The following UBTD2 variants were observed in gnomAD, a reference collection of about 807,000 sequenced individuals.
The protein encoded by UBTD2 is ubiquitin domain-containing protein 2.
UBTD2 carries 9 observed loss-of-function variants against 19.8 expected under a neutral mutation model. The observed-to-expected ratio is 0.46, with a 90% CI of 0.27 to 0.79. The LOEUF is 0.79. Among genes scored for constraint, UBTD2 ranks in the 30% least tolerant of loss-of-function variants. The probability of loss-of-function intolerance (pLI) is 0.14; values close to 1 mark genes in which losing one functional copy is unlikely to be tolerated. For missense variants in UBTD2, 250 were observed against 300.4 expected (o/e 0.83, Z 1.24); for synonymous variants, 98 against 103.9 (o/e 0.94, Z 0.35).
At chr5:172,266,021 C>G (rs1042010845) in intron 1 of UBTD2, among the ~76,000 whole-genome samples, 2 of 151,598 alleles carry the variant, frequency 1.3e-5, no homozygotes, top group Non-Finnish European at 2.9e-5. Flanking sequence ...GCAACCTCTG[C>G]CTCCCGGGTT....
At chr5:172,253,180 C>A (rs569371173) in intron 1 of UBTD2, among the ~76,000 whole-genome samples, 1 of 152,244 alleles carries the variant, frequency 6.6e-6, no homozygotes, top group African/African-American at 2.4e-5. Flanking sequence ...CAGGTGTGAG[C>A]CACTGTGCCT....
At chr5:172,233,713 C>A (rs115249556) in intron 2 of UBTD2, among the ~76,000 whole-genome samples, 2,758 of 144,262 alleles carry the variant, frequency 0.019, 72 homozygotes, top group African/African-American at 0.066. Context: ...CTACAGCTTA[C>A]AAAATCTAAA....
At position 172,211,862 on chromosome 5, in the gene UBTD2, G is replaced by C. The variant is rs1771454290; in HGVS notation, c.673C>G (p.Pro225Ala). 3 of 1,613,968 alleles carry C rather than the reference G, an allele frequency of 1.9e-6. No homozygotes were observed. Among genetic ancestry groups the C allele is most frequent in the Non-Finnish European group, 2.5e-6 (3 of 1,179,894 alleles). The change falls in exon 3 of 3, where the codon CCT becomes GCT. Residue 225 changes from proline (P) to alanine (A), a missense_variant. Physicochemically the swap from Pro to Ala is conservative, Grantham distance 27. Transcript: ENST00000393792. ...TCCACTGGTGTTGGGTTCTGCACAG[G>C]TTGGCTCACTATAACCTGTACAACA... ...DYVVQVIVSQ[P>A]VQNPTPVEN
At chr5:172,245,292 G>A (rs1754856960) in intron 1 of UBTD2, among the ~76,000 whole-genome samples, 1 of 152,180 alleles carries the variant, frequency 6.6e-6, no homozygotes, top group Non-Finnish European at 1.5e-5. Flanking sequence ...GCAGATAAAA[G>A]ATCTCCTTGG....
chr5:172,254,415 T>C (rs1460198551), intron 1 of UBTD2: 5 of 376,928 alleles, frequency 1.3e-5, no homozygotes, highest in Non-Finnish European at 1.5e-5. Context: ...GCTTTTCCTA[T>C]GGTTGGGACG....
intron 1 of UBTD2, among the ~76,000 whole-genome samples, chr5:172,264,567 A>AC (rs200081754): frequency 0.02 from 2,694 of 134,840 alleles, 65 homozygotes; most frequent in African/African-American, 0.067. Flanking sequence ...AAATTAAAAA[A>AC]AAAAAAAAAC....
Position 172,211,990 on chromosome 5 carries a change from T to C in UBTD2, c.545A>G (p.His182Arg), listed in dbSNP as rs746257867. ...ACCTGGTTCCACTCCCTCTGCTGCA[T>C]GCAACCGTCTCTTCATGTGGAATAC... ...DTVFHMKRRLHAAEGVEPGSQ... is the reference protein window; with the variant it reads ...DTVFHMKRRLRAAEGVEPGSQ... The change falls in exon 3 of 3, where the codon CAT becomes CGT. Residue 182 changes from histidine (H) to arginine (R), a missense_variant. His to Arg is a conservative substitution (Grantham distance 29). Transcript: ENST00000393792. The C allele has an allele frequency of 2.5e-6, 4 of 1,614,220 alleles. No homozygotes were observed. Among genetic ancestry groups the C allele is most frequent in the South Asian group, 2.2e-5 (2 of 91,084 alleles).
chr5:172,277,960 C>G (rs1226260843), intron 1 of UBTD2, among the ~76,000 whole-genome samples: 1 of 151,732 alleles, frequency 6.6e-6, no homozygotes, highest in Non-Finnish European at 1.5e-5. Context: ...CACCACTACT[C>G]ATCAGGAAAA....
intron 1 of UBTD2, among the ~76,000 whole-genome samples, chr5:172,250,594 C>A (rs1196541810): frequency 1.3e-5 from 2 of 152,120 alleles, no homozygotes; most frequent in African/African-American, 2.4e-5. Context: ...CTAAACAATG[C>A]ATGATCCTGG....
At chr5:172,278,897 C>T (rs1166403080) in intron 1 of UBTD2, among the ~76,000 whole-genome samples, 2 of 152,156 alleles carry the variant, frequency 1.3e-5, no homozygotes, top group Non-Finnish European at 2.9e-5. Context: ...GCCTCAGCCT[C>T]CTGAATAGCT....
intron 1 of UBTD2, among the ~76,000 whole-genome samples, chr5:172,241,507 T>C (rs1276192611): frequency 2.0e-5 from 3 of 150,132 alleles, no homozygotes; most frequent in Admixed American, 2.0e-4. Flanking sequence ...ATAAAACAAC[T>C]AGAAATTTAA....
chr5:172,248,148 T>C (rs750494309), intron 1 of UBTD2, among the ~76,000 whole-genome samples: 4 of 152,152 alleles, frequency 2.6e-5, no homozygotes, highest in African/African-American at 4.8e-5. Context: ...CAAAAACTTA[T>C]GAGATGCAGT....
intron 2 of UBTD2, among the ~76,000 whole-genome samples, chr5:172,218,711 G>A (rs1248137373): frequency 6.7e-6 from 1 of 149,508 alleles, no homozygotes; most frequent in African/African-American, 2.5e-5. Context: ...CTGTCCCTGG[G>A]AGTTTGAGGC....
intron 1 of UBTD2, among the ~76,000 whole-genome samples, chr5:172,265,165 G>A (rs1008647840): frequency 6.6e-6 from 1 of 152,174 alleles, no homozygotes; most frequent in African/African-American, 2.4e-5. Context: ...TAAGTAGGAA[G>A]CTCTTAACAA....
At chr5:172,274,412 T>C (rs572659952) in intron 1 of UBTD2, among the ~76,000 whole-genome samples, 1 of 152,216 alleles carries the variant, frequency 6.6e-6, no homozygotes, top group South Asian at 2.1e-4. Context: ...GTGCTGGGAT[T>C]ACAGGTGTGA....
At chr5:172,232,036 C>A (rs1428582918) in intron 2 of UBTD2, among the ~76,000 whole-genome samples, 3 of 152,090 alleles carry the variant, frequency 2.0e-5, no homozygotes, top group Non-Finnish European at 4.4e-5. Context: ...TTTAGAAGGC[C>A]AAGGCAGGCA....
chr5:172,252,818 G>C (rs143294051), intron 1 of UBTD2, among the ~76,000 whole-genome samples: 172 of 152,232 alleles, frequency 1.1e-3, no homozygotes, highest in African/African-American at 4.0e-3. Flanking sequence ...TCAAAAAGTA[G>C]GTTCAACAGA....
chr5:172,238,987 C>T (rs889177649), intron 1 of UBTD2, among the ~76,000 whole-genome samples: 8 of 152,146 alleles, frequency 5.3e-5, no homozygotes, highest in African/African-American at 1.4e-4. Flanking sequence ...TAAAAGGACA[C>T]TTGCAAATAT....
rs907267426 is a variant in UBTD2, at chr5:172,283,115, C to T, written c.70+481G>A. Among the ~76,000 whole-genome samples the T allele has an allele frequency of 6.6e-6, 1 of 152,184 alleles. No individual in the cohort carries two copies. Among genetic ancestry groups the T allele is most frequent in the Non-Finnish European group, 1.5e-5 (1 of 68,038 alleles). On this transcript the variant is annotated intron_variant, in intron 1 of 2. Coordinates refer to ENST00000393792, the MANE Select transcript of UBTD2 (RefSeq NM_152277.3). This position sits in a 1 kb window ranked among gnomAD's most constrained non-coding sequence, Gnocchi z 4.3. ...ATGGCCAATCTGGAACCAACCGGGG[C>T]AGCTGTCATCTGAAACTCAGGAAAG...
Sources: allele counts gnomAD v4.1 joint callset (sites outside exome capture counted in the v4.1 genomes callset), GRCh38; gene constraint gnomAD v4.1.1; non-coding constraint Gnocchi (gnomAD v3.1); transcripts MANE v1.5; gene names NCBI Gene and HGNC (gene_info 2026-07-23, HGNC 2026-07-21).